TMEM117: variants seen among roughly 807,000 people sequenced by gnomAD.
TMEM117 encodes the protein transmembrane protein 117.
Under a neutral mutation model 52.4 loss-of-function variants are expected in TMEM117, and 27 were observed. The ratio of observed to expected loss-of-function variants is 0.51; its 90% CI spans 0.38 to 0.71. The LOEUF (loss-of-function observed/expected upper bound fraction) is 0.71. Among genes scored for constraint, TMEM117 ranks in the 30% least tolerant of loss-of-function variants. TMEM117 has a pLI of 0.00. For synonymous variants in TMEM117, 215 were observed against 206.3 expected (o/e 1.04, Z -0.36); for missense variants, 556 against 630.5 (o/e 0.88, Z 1.26).
At chr12:44,100,808 CCT>C (rs1947848624) in intron 3 of TMEM117, among the ~76,000 whole-genome samples, 1 of 151,942 alleles carries the variant, frequency 6.6e-6, no homozygotes, top group South Asian at 2.1e-4. Context: ...TTACTGGTGA[CCT>C]GCTAAACACC....
In TMEM117 at chr12:44,210,042, G is replaced by A. The variant is rs140634186; in HGVS notation, c.511-1248G>A. On this transcript the variant is annotated intron_variant, in intron 4 of 7. Coordinates refer to ENST00000266534, the MANE Select transcript of TMEM117 (RefSeq NM_032256.3). ...CCACTGTTCAAAGCTATACTCAAATGCAATGATAAAGCTTTAAGCACAAGA... is the reference window on the plus strand; with the variant it reads ...CCACTGTTCAAAGCTATACTCAAATACAATGATAAAGCTTTAAGCACAAGA... Among the ~76,000 whole-genome samples, 4 of 152,214 alleles carry A rather than the reference G, an allele frequency of 2.6e-5. No individual in the cohort carries two copies. In the East Asian group the frequency reaches 5.8e-4, roughly 22 times the overall value.
At chr12:44,286,048 A>G (rs570449713) in intron 5 of TMEM117, among the ~76,000 whole-genome samples, 1 of 152,076 alleles carries the variant, frequency 6.6e-6, no homozygotes, top group African/African-American at 2.4e-5. Context: ...TTGCTATCCC[A>G]CTTCACTTTA....
chr12:44,097,557 T>C (rs1449626888), intron 3 of TMEM117, among the ~76,000 whole-genome samples: 1 of 151,750 alleles, frequency 6.6e-6, no homozygotes, highest in Non-Finnish European at 1.5e-5. Context: ...GAGTTCATGT[T>C]CTTTGTAGGG....
rs144293850 is a variant in TMEM117, at chr12:44,257,333, C to A, written c.609-42247C>A. Among the ~76,000 whole-genome samples, 497 of 152,038 alleles carry A rather than the reference C, an allele frequency of 3.3e-3. 6 individuals are homozygous for A. Among genetic ancestry groups the A allele is most frequent in the Admixed American group, 0.023 (355 of 15,214 alleles). On this transcript the variant is annotated intron_variant, in intron 5 of 7. Transcript: ENST00000266534. Reference sequence around the variant, plus strand: ...CCCTTTTGACACGTTGACTCTCTCTCTATATATAGGTGTCCACTCCATTTG... The same window carrying A: ...CCCTTTTGACACGTTGACTCTCTCTATATATATAGGTGTCCACTCCATTTG...
chr12:43,873,785 T>C (rs1320920), intron 2 of TMEM117, among the ~76,000 whole-genome samples: 151,659 of 152,004 alleles, frequency 1, 75,659 homozygotes, highest in East Asian at 1. Context: ...ACCAAGAAGG[T>C]TCTCAGAAGA....
At chr12:44,292,197 A>G (rs1231693799) in intron 5 of TMEM117, among the ~76,000 whole-genome samples, 1 of 151,806 alleles carries the variant, frequency 6.6e-6, no homozygotes, top group East Asian at 1.9e-4. Flanking sequence ...GGTAACTTGT[A>G]TGTTTCTAGG....
intron 3 of TMEM117, among the ~76,000 whole-genome samples, chr12:43,952,099 A>G (rs914249635): frequency 6.6e-6 from 1 of 152,196 alleles, no homozygotes; most frequent in Non-Finnish European, 1.5e-5. Flanking sequence ...AACAGCAACA[A>G]CAACAAAAAA....
intron 2 of TMEM117, among the ~76,000 whole-genome samples, chr12:43,932,262 A>G (rs1187805954): frequency 6.6e-6 from 1 of 151,554 alleles, no homozygotes; most frequent in African/African-American, 2.4e-5. Flanking sequence ...ATAATAATTT[A>G]TATAAAATAA....
chr12:44,318,366 G>C, intron 6 of TMEM117: 1 of 152,146 alleles, frequency 6.6e-6, no homozygotes. Flanking sequence ...ATCTATGTAC[G>C]TTAAGGTGAG....
At position 43,909,131 on chromosome 12, in the gene TMEM117, A is replaced by C. The variant is rs1202535384; in HGVS notation, c.278-35079A>C. 6.3e-5 allele frequency among the ~76,000 whole-genome samples: 4 copies of C among 63,030 alleles called. 1 individual carries two copies. The highest frequency in any genetic ancestry group is 0.013 in the Middle Eastern group (2 of 152). The allele number at this position is 63,030 out of a possible 152,430, so 41.4% of individuals were successfully genotyped here. ...TCCTCAGCAAATGTAAAAGAACAGA[A>C]ATTACAACAAACTATCTCTCAGACC... is the stretch of plus-strand genomic sequence containing the variant. On this transcript the variant is annotated intron_variant, in intron 2 of 7. Transcript: ENST00000266534.
rs3064367 is a variant in TMEM117 at position 43,984,364 on chromosome 12, TAACAAC to T, written c.410+40060_410+40065del. On this transcript the variant is annotated intron_variant, in intron 3 of 7. Transcript: ENST00000266534. ...GCCTGGGCGACAGAGTGAGACTCCG[TAACAAC>T]AACAACAACAACAACAACAACAACA... Among the ~76,000 whole-genome samples the T allele has an allele frequency of 5.6e-3, 812 of 146,100 alleles. 8 individuals are homozygous for T. The highest frequency in any genetic ancestry group is 0.016 in the African/African-American group (645 of 39,724).
At chr12:43,833,326 G>A (rs2137328715), upstream of TMEM117, among the ~76,000 whole-genome samples, 1 of 152,266 alleles carries the variant, frequency 6.6e-6, no homozygotes, top group East Asian at 1.9e-4. Context: ...TTATGGAGTG[G>A]ATTGAGTTCT....
chr12:44,261,501 T>A (rs1413250064), intron 5 of TMEM117, among the ~76,000 whole-genome samples: 1 of 152,214 alleles, frequency 6.6e-6, no homozygotes, highest in African/African-American at 2.4e-5. Context: ...ATTTGGGCTG[T>A]CTTGGTACTG....
At chr12:43,985,074 A>G (rs1177695056) in intron 3 of TMEM117, among the ~76,000 whole-genome samples, 1 of 152,188 alleles carries the variant, frequency 6.6e-6, no homozygotes, top group Non-Finnish European at 1.5e-5. Flanking sequence ...ATTTGATAGA[A>G]AACAATGGGA....
chr12:44,201,640 T>C (rs746505379), intron 4 of TMEM117, among the ~76,000 whole-genome samples: 20 of 152,218 alleles, frequency 1.3e-4, no homozygotes, highest in African/African-American at 2.4e-5. Context: ...TTTTCTCACT[T>C]CTTAGCATCA....
chr12:44,171,419 T>C (rs1008139432), intron 4 of TMEM117, among the ~76,000 whole-genome samples: 1 of 152,240 alleles, frequency 6.6e-6, no homozygotes, highest in Admixed American at 6.5e-5. Context: ...GTGGATCTTA[T>C]CAGCAATAAT....
intron 2 of TMEM117, among the ~76,000 whole-genome samples, chr12:43,925,403 T>A (rs1003625207): frequency 2.0e-5 from 3 of 152,148 alleles, no homozygotes; most frequent in Admixed American, 6.5e-5. Context: ...AATTTCTAAT[T>A]TTATTTAAAA....
At chr12:43,944,408 T>A in intron 3 of TMEM117, 66 bp downstream of exon 3, 2 of 1,460,642 alleles carry the variant, frequency 1.4e-6, no homozygotes, top group Non-Finnish European at 9.3e-7. Context: ...AATTTAAGAG[T>A]TTTTTAGCTT....
the TMEM117 span, chr12:43,799,436 C>T: frequency 6.2e-7 from 1 of 1,610,158 alleles, no homozygotes; most frequent in Non-Finnish European, 8.5e-7. Context: ...TCCTCAGCTG[C>T]AGTCAGTGGG....
Sources: gnomAD v4.1 joint callset for allele counts (sites outside exome capture counted in the v4.1 genomes callset) on GRCh38, gnomAD v4.1.1 for gene constraint, MANE v1.5 for transcripts, NCBI Gene and HGNC (gene_info 2026-07-23, HGNC 2026-07-21) for gene names.